The following COL4A2 variants were observed in gnomAD, a reference collection of about 807,000 sequenced individuals.
COL4A2 encodes collagen type IV alpha 2 chain.
Under a neutral mutation model 200.2 loss-of-function variants are expected in COL4A2, and 99 were observed. The observed-to-expected ratio is 0.49, with a 90% CI of 0.42 to 0.58. The LOEUF is 0.58. Ranked by LOEUF, COL4A2 falls within the 20% of genes least tolerant of loss-of-function variation. COL4A2 has a pLI of 0.00. For missense variants in COL4A2, 1,950 were observed against 2,314.1 expected, an observed-to-expected ratio of 0.84 and a Z score of 3.23; for synonymous variants, 897 against 900.6, an observed-to-expected ratio of 1.00 and a Z score of 0.07.
chr13:110,495,943 T>A lies in COL4A2; in HGVS notation c.3760+476T>A, dbSNP rs543234749. ...AAGTCTAAATGGCAGTGAGAAACAT[T>A]CCTAGATAGAAACCAGGACCTTCCT... On this transcript the variant is annotated intron_variant, in intron 40 of 47. Coordinates refer to ENST00000360467, the MANE Select transcript of COL4A2 (RefSeq NM_001846.4). Among the ~76,000 whole-genome samples, 252 of 152,270 alleles carry A rather than the reference T, an allele frequency of 1.7e-3. 2 individuals carry two copies. Among genetic ancestry groups the A allele is most frequent in the African/African-American group, 5.7e-3 (237 of 41,548 alleles).
At chr13:110,380,291 A>G (rs914461406) in intron 4 of COL4A2, among the ~76,000 whole-genome samples, 2 of 152,146 alleles carry the variant, frequency 1.3e-5, no homozygotes, top group Non-Finnish European at 2.9e-5. Flanking sequence ...AATTTTATTT[A>G]GACTTTTCTC....
intron 22 of COL4A2, 110 bp from the exon 23 acceptor site, chr13:110,462,004 T>G: frequency 6.6e-7 from 1 of 1,505,128 alleles, no homozygotes; most frequent in East Asian, 2.4e-5. Context: ...CTCGGTTTGG[T>G]GACGGGTGAC....
At position 110,321,311 on chromosome 13, in the gene COL4A2, T is replaced by A. The variant is rs184688392; in HGVS notation, c.99+13188T>A. Among the ~76,000 whole-genome samples, 28 of 152,186 alleles carry A rather than the reference T, an allele frequency of 1.8e-4. No homozygotes were observed. The South Asian group carries it at 1.9e-3, about 10-fold the overall frequency. On this transcript the variant is annotated intron_variant, in intron 3 of 47. Coordinates refer to ENST00000360467, the MANE Select transcript of COL4A2 (RefSeq NM_001846.4). ...CCATTTTTAATATTTTTTTCATTGT[T>A]TTAAATTGTGGTAAAATATATGTAA...
intron 34 of COL4A2, among the ~76,000 whole-genome samples, chr13:110,486,729 A>G (rs1338525876): frequency 2.0e-5 from 3 of 151,962 alleles, no homozygotes; most frequent in Non-Finnish European, 4.4e-5. Flanking sequence ...GGGCCGTTTT[A>G]TAGGATTTGG....
rs1335070593 is a variant in COL4A2, at chr13:110,458,714, C to A, written c.1433-57C>A. The stretch of plus-strand genomic sequence containing the variant: ...TCTCCCCGCTGCCTGATACCCCTCT[C>A]CCCGCCACGCTAAGAGGAATGCGGA... On this transcript the variant is annotated intron_variant, in intron 21 of 47. Coordinates refer to ENST00000360467, the MANE Select transcript of COL4A2 (RefSeq NM_001846.4). The A allele has an allele frequency of 2.5e-6, 4 of 1,606,272 alleles. No homozygotes were observed. The East Asian group carries it at 8.9e-5, about 36-fold the overall frequency.
intron 4 of COL4A2, among the ~76,000 whole-genome samples, chr13:110,420,824 C>T (rs1260595452): frequency 3.3e-5 from 5 of 152,196 alleles, no homozygotes; most frequent in African/African-American, 9.7e-5. Context: ...ATGACCAAAG[C>T]GTGGCCTCCT....
intron 3 of COL4A2, among the ~76,000 whole-genome samples, chr13:110,348,220 T>C (rs1876798923): frequency 6.6e-6 from 1 of 152,232 alleles, no homozygotes; most frequent in Non-Finnish European, 1.5e-5. Context: ...GGCTTATTCA[T>C]TGTACGTGGG....
intron 4 of COL4A2, among the ~76,000 whole-genome samples, chr13:110,417,004 CAG>C (rs908697431): frequency 1.4e-5 from 2 of 146,356 alleles, no homozygotes; most frequent in African/African-American, 5.1e-5. Context: ...TTTTTTGAGA[CAG>C]AGTCTCACTC....
chr13:110,449,437 CTTTA>C (rs1412761893), intron 18 of COL4A2, among the ~76,000 whole-genome samples: 2 of 152,188 alleles, frequency 1.3e-5, no homozygotes, highest in African/African-American at 4.8e-5. Flanking sequence ...TTAGTTCCTT[CTTTA>C]TTCGAGCTTT....
At chr13:110,336,842 T>C (rs1876214492) in intron 3 of COL4A2, among the ~76,000 whole-genome samples, 1 of 152,212 alleles carries the variant, frequency 6.6e-6, no homozygotes, top group African/African-American at 2.4e-5. Context: ...CTCTGCTCCC[T>C]CTGAAGCAGT....
intron 3 of COL4A2, among the ~76,000 whole-genome samples, chr13:110,310,687 A>G (rs1884952134): frequency 6.6e-6 from 1 of 152,034 alleles, no homozygotes; most frequent in South Asian, 2.1e-4. Context: ...TTTCCTGCGT[A>G]GGTCAGTTCA....
rs906312749 is a variant in COL4A2, at chr13:110,314,752, C to T, written c.99+6629C>T. On this transcript the variant is annotated intron_variant, in intron 3 of 47. Transcript: ENST00000360467. Reference sequence around the variant, plus strand: ...GCCCATACGCGCTCACCCCTAGGAACGCATCAGGCAGTACCCTCGTGCCCT... The same window carrying T: ...GCCCATACGCGCTCACCCCTAGGAATGCATCAGGCAGTACCCTCGTGCCCT... 2.8e-4 allele frequency among the ~76,000 whole-genome samples: 43 copies of T among 152,314 alleles called. No homozygotes were observed. In the Middle Eastern group the frequency reaches 0.024, roughly 84 times the overall value.
intron 4 of COL4A2, among the ~76,000 whole-genome samples, chr13:110,400,324 T>A (rs754999914): frequency 1.3e-5 from 2 of 152,236 alleles, no homozygotes; most frequent in African/African-American, 2.4e-5. Flanking sequence ...TTTCTGAACA[T>A]TAATTCACCT....
intron 4 of COL4A2, among the ~76,000 whole-genome samples, chr13:110,408,125 C>A (rs1879640763): frequency 6.6e-6 from 1 of 152,072 alleles, no homozygotes. Flanking sequence ...TTGAGCAGAA[C>A]AGGAATCAGG....
At chr13:110,432,397 G>A (rs1438883266) in intron 11 of COL4A2, 37 bp downstream of exon 11, 1 of 1,576,486 alleles carries the variant, frequency 6.3e-7, no homozygotes, top group African/African-American at 1.4e-5. Context: ...GAGGGAAGGG[G>A]GTACTTAGGT....
intron 4 of COL4A2, among the ~76,000 whole-genome samples, chr13:110,399,204 C>G (rs1879286727): frequency 6.6e-6 from 1 of 152,180 alleles, no homozygotes; most frequent in Non-Finnish European, 1.5e-5. Context: ...CTCACACATC[C>G]GCACAGGAGC....
chr13:110,450,431 T>C lies in COL4A2; in HGVS notation c.1316T>C (p.Leu439Pro). 1 of 1,613,780 alleles carries C rather than the reference T, an allele frequency of 6.2e-7. No individual in the cohort carries two copies. The highest frequency in any genetic ancestry group is 1.1e-5 in the South Asian group (1 of 91,062). The part of the protein sequence containing the change: ...GKRGPPGPPG[L>P]PGPPGPDGFL... ...CGAGGGCCTCCAGGACCCCCCGGGC[T>C]CCCTGGACCACCTGGACCTGATGGT... The change falls in exon 20 of 48, where the codon CTC (leucine) becomes CCC (proline). Residue 439 changes from leucine (L) to proline (P), a missense_variant. By Grantham distance (98) the Leu-to-Pro change is moderately conservative (BLOSUM62 -3). Around this residue, in one of 2 missense-constraint regions of COL4A2, gnomAD observed 565 missense variants for 593.5 expected, o/e 0.95. Transcript: ENST00000360467.
At chr13:110,458,171 G>C (rs1881851785) in intron 21 of COL4A2, 1 of 467,316 alleles carries the variant, frequency 2.1e-6, no homozygotes, top group Non-Finnish European at 4.4e-6. Flanking sequence ...CTGAGAGCAG[G>C]CACCGCAGGA....
At chr13:110,311,707 G>T (rs554784034) in intron 3 of COL4A2, among the ~76,000 whole-genome samples, 3 of 152,292 alleles carry the variant, frequency 2.0e-5, no homozygotes, top group East Asian at 1.9e-4. Flanking sequence ...CACTGTAGCC[G>T]CTCTGAGCAT....
Sources: gnomAD v4.1 joint callset for allele counts (sites outside exome capture counted in the v4.1 genomes callset) on GRCh38, gnomAD v4.1.1 for gene constraint, gnomAD v4.1.1 regional missense constraint, MANE v1.5 for transcripts, NCBI Gene and HGNC (gene_info 2026-07-23, HGNC 2026-07-21) for gene names.